The following LLGL1 variants were observed in gnomAD, a reference collection of about 807,000 sequenced individuals.
The protein encoded by LLGL1 is LLGL scribble cell polarity complex component 1.
Under a neutral mutation model 110.6 loss-of-function variants are expected in LLGL1, and 58 were observed. The observed-to-expected ratio is 0.52, with a 90% CI of 0.42 to 0.65. LLGL1 has a LOEUF of 0.65. LLGL1 is among the 30% of genes least tolerant of loss of function. The pLI is 0.00. For synonymous variants in LLGL1, 674 were observed against 607.2 expected, an observed-to-expected ratio of 1.11 and a Z score of -1.62; for missense variants, 1,229 against 1,462.1, an observed-to-expected ratio of 0.84 and a Z score of 2.60.
chr17:18,240,577 G>GGGGCCCACCAC lies in LLGL1; in HGVS notation c.2217_2227dup (p.Met743ThrfsTer46), dbSNP rs776225917. ...CCCTCCTACGCGCTTGTTTTCTGCA[G>GGGGCCCACCAC]GGGCCCACCACGGGCCCACCATGTG... On this transcript the variant is annotated frameshift_variant and splice_region_variant. Transcript: ENST00000316843. LOFTEE classifies it high-confidence loss of function. This position sits in a 1 kb window ranked among gnomAD's most constrained non-coding sequence, Gnocchi z 5.3. 1 of 1,588,356 alleles carries GGGGCCCACCAC rather than the reference G, an allele frequency of 6.3e-7. No homozygotes were observed. Among genetic ancestry groups the GGGGCCCACCAC allele is most frequent in the Non-Finnish European group, 8.6e-7 (1 of 1,163,712 alleles).
chr17:18,230,651 G>A (rs2047546814), intron 2 of LLGL1, among the ~76,000 whole-genome samples: 1 of 152,176 alleles, frequency 6.6e-6, no homozygotes. Context: ...CACCCCAACT[G>A]CTCTTGGGGA....
In LLGL1 at chr17:18,240,521, C is replaced by G; in HGVS notation, c.2207-57C>G. ...AGGGACCTGCAGTCTGTGGGAAGAC[C>G]CCAGGGGAGATGCCTGGCCCACAGG... On this transcript the variant is annotated intron_variant, in intron 16 of 22. Transcript: ENST00000316843. This position sits in a 1 kb window ranked among gnomAD's most constrained non-coding sequence, Gnocchi z 5.3. 1.3e-6 allele frequency: 2 copies of G among 1,525,778 alleles called. No homozygotes were observed. The highest frequency in any genetic ancestry group is 1.8e-6 in the Non-Finnish European group (2 of 1,133,474). 94.5% of individuals were successfully genotyped at this position (1,525,778 alleles called of 1,614,324 possible).
At chr17:18,234,503 G>A in intron 7 of LLGL1, 95 bp downstream of exon 7, 1 of 1,579,958 alleles carries the variant, frequency 6.3e-7, no homozygotes, top group East Asian at 2.3e-5. Flanking sequence ...CCCCGAGGGG[G>A]TGGTCTGGGG....
chr17:18,234,668 C>T lies in LLGL1; in HGVS notation c.870C>T (p.Ala290=), dbSNP rs1315962971. The T allele has an allele frequency of 6.2e-7, 1 of 1,614,056 alleles. No individual in the cohort carries two copies. The highest frequency in any genetic ancestry group is 2.2e-5 in the East Asian group (1 of 44,894). ...CCTCAGGCCCCTTTCCCTGCAAGGC[C>T]ATTAACAAGATTCTGTGGCGGAACT... ...TTPYGPFPCK[A]INKILWRNCE... is the part of the protein sequence containing the mutation. Residue 290 remains alanine, a synonymous_variant, in exon 8 of 23, where the codon GCC becomes GCT. Coordinates refer to ENST00000316843, the MANE Select transcript of LLGL1 (RefSeq NM_004140.4).
chr17:18,241,497 C>T lies in LLGL1; in HGVS notation c.2549C>T (p.Thr850Met), dbSNP rs753689203. The change falls in exon 18 of 23, where the codon ACG becomes ATG. Residue 850 changes from threonine (T) to methionine (M), a missense_variant. By Grantham distance (81) the Thr-to-Met change is moderately conservative. Coordinates refer to ENST00000316843, the MANE Select transcript of LLGL1 (RefSeq NM_004140.4). ...AGCGCGAAGACCAAGTTCAAGCTGA[C>T]GGCCCATGAGGGCTGTCGTGTGCGC... The part of the protein sequence containing the change: ...KVSAKTKFKL[T>M]AHEGCRVRKV... The T allele has an allele frequency of 6.8e-6, 11 of 1,613,636 alleles. No individual in the cohort carries two copies. The highest frequency in any genetic ancestry group is 2.7e-5 in the African/African-American group (2 of 74,948).
rs766292173 is a variant in LLGL1, at chr17:18,232,449, G to A, written c.180-46G>A. 9.7e-6 allele frequency: 15 copies of A among 1,542,226 alleles called. 1 individual carries two copies. In the South Asian group the frequency reaches 1.6e-4, roughly 17 times the overall value. On this transcript the variant is annotated intron_variant, in intron 2 of 22. Transcript: ENST00000316843. ...GAGCCTTGGGTGTCTTCCTCACTGT[G>A]GTTTGCTGGTCTATGCCTATTTCCA...
chr17:18,238,002 G>T, intron 14 of LLGL1, 65 bp from the exon 15 acceptor site: 1 of 1,575,418 alleles, frequency 6.3e-7, no homozygotes, highest in East Asian at 2.3e-5. Flanking sequence ...CCACAGGCCA[G>T]CAGGAGTGTG....
chr17:18,243,406 C>T (rs986344644), intron 22 of LLGL1, among the ~76,000 whole-genome samples: 1 of 152,204 alleles, frequency 6.6e-6, no homozygotes, highest in Non-Finnish European at 1.5e-5. Flanking sequence ...CGCACCCGGC[C>T]AACAAGACCA....
At chr17:18,229,792 G>C (rs892556268) in intron 1 of LLGL1, 149 bp from the exon 2 acceptor site, 9 of 604,400 alleles carry the variant, frequency 1.5e-5, no homozygotes, top group African/African-American at 1.5e-4. Context: ...CACAGTTGAG[G>C]ACGCTGAGGC....
At chr17:18,243,878 C>T (rs1233608698) in intron 22 of LLGL1, 30 bp from the exon 23 acceptor site, 3 of 152,578 alleles carry the variant, frequency 2.0e-5, no homozygotes, top group Non-Finnish European at 4.4e-5. Flanking sequence ...CCCTCACCTT[C>T]TGCTGATACC....
Position 18,241,731 on chromosome 17 carries a change from G to A in LLGL1, c.2767+16G>A. The A allele has an allele frequency of 6.2e-7, 1 of 1,610,642 alleles. No homozygotes were observed. The highest frequency in any genetic ancestry group is 8.5e-7 in the Non-Finnish European group (1 of 1,178,184). On this transcript the variant is annotated intron_variant, in intron 18 of 22. Transcript: ENST00000316843. ...CATGGCCAGGGTGAGGCGGGGCAGAGGCCGAGGAGGCCTTCCTCAGGCGAG... is the reference window on the plus strand; with the variant it reads ...CATGGCCAGGGTGAGGCGGGGCAGAAGCCGAGGAGGCCTTCCTCAGGCGAG...
In LLGL1 at chr17:18,229,809, C is replaced by T. The variant is rs568438800; in HGVS notation, c.82-132C>T. ...CAGTTGAGGACGCTGAGGCACAGAGCAAGTAGACCTGCCTCCTACCCCCAG... is the reference window on the plus strand; with the variant it reads ...CAGTTGAGGACGCTGAGGCACAGAGTAAGTAGACCTGCCTCCTACCCCCAG... On this transcript the variant is annotated intron_variant, in intron 1 of 22. Transcript: ENST00000316843. 84 of 639,958 alleles carry T rather than the reference C, an allele frequency of 1.3e-4. No homozygotes were observed. In the African/African-American group the frequency reaches 1.4e-3, roughly 10 times the overall value. The allele number at this position is 639,958 out of a possible 1,614,324, so 39.6% of individuals were successfully genotyped here.
Position 18,242,562 on chromosome 17 carries a change from C to T in LLGL1, c.3050C>T (p.Thr1017Ile). 2 of 1,614,132 alleles carry T rather than the reference C, an allele frequency of 1.2e-6. No individual in the cohort carries two copies. Among genetic ancestry groups the T allele is most frequent in the South Asian group, 1.1e-5 (1 of 91,090 alleles). Residue 1017 changes from threonine (T) to isoleucine (I), a missense_variant, in exon 21 of 23, where the codon ACC becomes ATC. Physicochemically the swap from Thr to Ile is moderately conservative, Grantham distance 89. Transcript: ENST00000316843. The stretch of plus-strand genomic sequence containing the variant: ...TCACCCATGTCCATCGACTCAGCCA[C>T]CAGTGCTGACACCACGCTGGACACG... Reference protein sequence around the residue: ...ALSPMSIDSATSADTTLDTTG... With the variant: ...ALSPMSIDSAISADTTLDTTG...
chr17:18,230,057 G>A lies in LLGL1; in HGVS notation c.179+19G>A. The A allele has an allele frequency of 6.3e-7, 1 of 1,588,222 alleles. No homozygotes were observed. Among genetic ancestry groups the A allele is most frequent in the South Asian group, 1.1e-5 (1 of 90,062 alleles). On this transcript the variant is annotated intron_variant, in intron 2 of 22. Transcript: ENST00000316843. ...TCAAGATGTATCCTTTGCAGGACAG[G>A]TGTTCAGGGTCTGTTCAGGACCACC...
In LLGL1 at chr17:18,237,523, G is replaced by A. The variant is rs1343877721; in HGVS notation, c.1654G>A (p.Val552Ile). 2.5e-6 allele frequency: 4 copies of A among 1,600,168 alleles called. No individual in the cohort carries two copies. The highest frequency in any genetic ancestry group is 2.2e-5 in the South Asian group (2 of 90,602). The change falls in exon 14 of 23, where the codon GTC (valine) becomes ATC (isoleucine). Residue 552 changes from valine (V) to isoleucine (I), a missense_variant. Val to Ile is a conservative substitution (Grantham distance 29). Coordinates refer to ENST00000316843, the MANE Select transcript of LLGL1 (RefSeq NM_004140.4). Reference protein sequence around the residue: ...ELSDVPVEQAVSVAIIDLLQD... With the variant: ...ELSDVPVEQAISVAIIDLLQD... ...TAGTGATGTGCCGGTGGAGCAGGCG[G>A]TCAGCGTGGCCATCATAGACCTCCT...
chr17:18,241,464 C>A lies in LLGL1; in HGVS notation c.2516C>A (p.Pro839His). 1 of 1,612,976 alleles carries A rather than the reference C, an allele frequency of 6.2e-7. No homozygotes were observed. ...SEEQFKVFTL[P>H]KVSAKTKFKL... ...ACCTGCTGTCAGGTGTTCACACTGC[C>A]CAAGGTGAGCGCGAAGACCAAGTTC... The change falls in exon 18 of 23, where the codon CCC (proline) becomes CAC (histidine). Residue 839 changes from proline to histidine, a missense_variant. Pro to His is a moderately conservative substitution (Grantham distance 77). Transcript: ENST00000316843.
chr17:18,241,560 A>G lies in LLGL1; in HGVS notation c.2612A>G (p.Glu871Gly). 6.2e-7 allele frequency: 1 copy of G among 1,613,686 alleles called. No individual in the cohort carries two copies. The highest frequency in any genetic ancestry group is 8.5e-7 in the Non-Finnish European group (1 of 1,180,014). ...ALATFASVACEDYAETCLACL... is the reference protein window; with the variant it reads ...ALATFASVACGDYAETCLACL... ...GCCACGTTTGCCAGTGTGGCCTGCGAGGACTATGCTGAGACCTGCCTGGCC... is the reference window on the plus strand; with the variant it reads ...GCCACGTTTGCCAGTGTGGCCTGCGGGGACTATGCTGAGACCTGCCTGGCC... The change falls in exon 18 of 23, where the codon GAG becomes GGG. Residue 871 changes from glutamate to glycine, a missense_variant. Coordinates refer to ENST00000316843, the MANE Select transcript of LLGL1 (RefSeq NM_004140.4).
intron 17 of LLGL1, 174 bp from the exon 18 acceptor site, chr17:18,241,277 G>GTACA: frequency 1.3e-6 from 1 of 743,704 alleles, no homozygotes; most frequent in Non-Finnish European, 2.1e-6. Flanking sequence ...GGTTTCTGGA[G>GTACA]TACAGTGTGA....
At position 18,231,287 on chromosome 17, in the gene LLGL1, G is replaced by A. The variant is rs141648634; in HGVS notation, c.180-1208G>A. 7.9e-4 allele frequency among the ~76,000 whole-genome samples: 120 copies of A among 152,282 alleles called. 1 individual carries two copies. The highest frequency in any genetic ancestry group is 6.3e-4 in the African/African-American group (26 of 41,568). The stretch of plus-strand genomic sequence containing the variant: ...AGCTGCCCCTCCCCCTGCCAGGCCA[G>A]CCCCATCTCCTTGACGACCCTGGTT... On this transcript the variant is annotated intron_variant, in intron 2 of 22. Coordinates refer to ENST00000316843, the MANE Select transcript of LLGL1 (RefSeq NM_004140.4).
Sources: gnomAD v4.1 joint callset for allele counts (sites outside exome capture counted in the v4.1 genomes callset) on GRCh38, gnomAD v4.1.1 for gene constraint, Gnocchi (gnomAD v3.1) non-coding constraint, MANE v1.5 for transcripts, NCBI Gene and HGNC (gene_info 2026-07-23, HGNC 2026-07-21) for gene names.